Variants in EPHA3 observed in about 807,000 individuals in gnomAD.
EPHA3 encodes ephrin type-A receptor 3.
Under a neutral mutation model 107.1 loss-of-function variants are expected in EPHA3, and 42 were observed. The observed-to-expected ratio is 0.39, with a 90% CI of 0.31 to 0.51. EPHA3 has a LOEUF of 0.51. Ranked by LOEUF, EPHA3 falls within the 20% of genes least tolerant of loss-of-function variation. The probability of loss-of-function intolerance (pLI) is 0.78; values close to 1 mark genes in which losing one functional copy is unlikely to be tolerated. For synonymous variants in EPHA3, 461 were observed against 424.8 expected, an observed-to-expected ratio of 1.09 and a Z score of -1.05; for missense variants, 1,183 against 1,211.2, an observed-to-expected ratio of 0.98 and a Z score of 0.35.
intron 7 of EPHA3, among the ~76,000 whole-genome samples, chr3:89,401,437 A>T (rs1708960295): frequency 6.6e-6 from 1 of 152,170 alleles, no homozygotes; most frequent in Non-Finnish European, 1.5e-5. Context: ...ATGAAGTATG[A>T]TGGAAATAAT....
At chr3:89,234,882 C>T (rs1200957706) in intron 3 of EPHA3, among the ~76,000 whole-genome samples, 1 of 142,966 alleles carries the variant, frequency 7.0e-6, no homozygotes, top group Non-Finnish European at 1.5e-5. Context: ...TTCCTTCCTG[C>T]CTTCCTCCCT....
intron 2 of EPHA3, among the ~76,000 whole-genome samples, chr3:89,169,923 C>A (rs148991632): frequency 6.6e-6 from 1 of 152,086 alleles, no homozygotes; most frequent in Admixed American, 6.6e-5. Context: ...GCCAGATGAA[C>A]GGCTCTGAAA....
At chr3:89,190,205 C>G (rs546896304) in intron 2 of EPHA3, among the ~76,000 whole-genome samples, 64 of 152,088 alleles carry the variant, frequency 4.2e-4, no homozygotes, top group Non-Finnish European at 7.6e-4. Context: ...CTAAGAGAAG[C>G]TGATAAAGAA....
chr3:89,366,188 C>A (rs1312079859), intron 5 of EPHA3, among the ~76,000 whole-genome samples: 1 of 150,418 alleles, frequency 6.6e-6, no homozygotes, highest in Non-Finnish European at 1.5e-5. Context: ...CCAATACATT[C>A]ATCAGTTTAA....
chr3:89,269,978 C>T (rs1705628805), intron 3 of EPHA3, among the ~76,000 whole-genome samples: 1 of 151,822 alleles, frequency 6.6e-6, no homozygotes. Flanking sequence ...ACTGGTCTTT[C>T]AGGGTCTGAG....
chr3:89,457,200 CTTCCAA>C (rs1164063218), intron 15 of EPHA3, among the ~76,000 whole-genome samples: 1 of 152,142 alleles, frequency 6.6e-6, no homozygotes, highest in African/African-American at 2.4e-5. Flanking sequence ...AGGTAGGATA[CTTCCAA>C]ATCACATCGC....
At chr3:89,164,957 A>G (rs748505649) in intron 2 of EPHA3, among the ~76,000 whole-genome samples, 4 of 152,238 alleles carry the variant, frequency 2.6e-5, no homozygotes, top group African/African-American at 7.2e-5. Context: ...AAATCTTTCA[A>G]TGCAGCATTG....
At chr3:89,121,458 A>G (rs1707382693) in intron 1 of EPHA3, among the ~76,000 whole-genome samples, 1 of 151,772 alleles carries the variant, frequency 6.6e-6, no homozygotes, top group African/African-American at 2.4e-5. Context: ...AATACTAATT[A>G]AAGCTATTAA....
At position 89,306,239 on chromosome 3, in the gene EPHA3, G is replaced by A. The variant is rs1415454786; in HGVS notation, c.815-34677G>A. Among the ~76,000 whole-genome samples the A allele has an allele frequency of 4.6e-5, 7 of 152,216 alleles. No homozygotes were observed. In the East Asian group the frequency reaches 5.8e-4, roughly 13 times the overall value. ...AAGAGATTAGGTAATTTTTGAAAAC[G>A]TATATAGCTTGTAAATAATAACACC... On this transcript the variant is annotated intron_variant, in intron 3 of 16. Coordinates refer to ENST00000336596, the MANE Select transcript of EPHA3 (RefSeq NM_005233.6).
At chr3:89,277,326 G>T (rs1054043404) in intron 3 of EPHA3, among the ~76,000 whole-genome samples, 3 of 152,040 alleles carry the variant, frequency 2.0e-5, no homozygotes, top group Non-Finnish European at 2.9e-5. Flanking sequence ...AACAGTATGA[G>T]AAATCCTTTA....
At chr3:89,199,100 T>G (rs1705909363) in intron 2 of EPHA3, among the ~76,000 whole-genome samples, 1 of 152,198 alleles carries the variant, frequency 6.6e-6, no homozygotes, top group African/African-American at 2.4e-5. Flanking sequence ...CTATAAAAAG[T>G]AAAGCCATTT....
intron 5 of EPHA3, among the ~76,000 whole-genome samples, chr3:89,366,165 G>A (rs188299105): frequency 6.7e-6 from 1 of 150,230 alleles, no homozygotes; most frequent in Non-Finnish European, 1.5e-5. Flanking sequence ...ATGCATTTGG[G>A]AAAAAAACAG....
chr3:89,129,362 TG>T (rs1468705740), intron 2 of EPHA3, among the ~76,000 whole-genome samples: 1 of 152,126 alleles, frequency 6.6e-6, no homozygotes, highest in African/African-American at 2.4e-5. Flanking sequence ...CTAAAACAGT[TG>T]GTCATTCTCT....
chr3:89,337,066 G>GAA (rs531242644), intron 3 of EPHA3, among the ~76,000 whole-genome samples: 3 of 98,980 alleles, frequency 3.0e-5, no homozygotes, highest in South Asian at 3.1e-4. Context: ...CTCAAAAAAA[G>GAA]AAAAAAAAAA....
chr3:89,297,275 C>T (rs77267808), intron 3 of EPHA3, among the ~76,000 whole-genome samples: 3 of 152,148 alleles, frequency 2.0e-5, no homozygotes, highest in African/African-American at 7.2e-5. Context: ...CCTCACTGAG[C>T]TTAATCATTC....
chr3:89,211,721 TC>T (rs1704090772), intron 3 of EPHA3, among the ~76,000 whole-genome samples: 3 of 141,040 alleles, frequency 2.1e-5, no homozygotes, highest in Non-Finnish European at 4.6e-5. Flanking sequence ...TTCCTCTTCT[TC>T]TTTTTCTTCT....
At chr3:89,399,296 AT>A (rs754067425) in intron 6 of EPHA3, 21 bp from the exon 7 acceptor site, 105 of 1,570,078 alleles carry the variant, frequency 6.7e-5, no homozygotes, top group East Asian at 1.1e-4. Context: ...TTTAACATGA[AT>A]TTTTTTTTCT....
chr3:89,325,676 T>A (rs1188155732), intron 3 of EPHA3, among the ~76,000 whole-genome samples: 4 of 152,176 alleles, frequency 2.6e-5, no homozygotes, highest in Non-Finnish European at 5.9e-5. Flanking sequence ...CTTTATTTTT[T>A]CCTTTTACAT....
chr3:89,143,316 A>G (rs1704470922), intron 2 of EPHA3, among the ~76,000 whole-genome samples: 1 of 151,482 alleles, frequency 6.6e-6, no homozygotes, highest in African/African-American at 2.4e-5. Flanking sequence ...CCCAATCTGT[A>G]CTACTAAGTG....
Sources: allele counts gnomAD v4.1 joint callset (sites outside exome capture counted in the v4.1 genomes callset), GRCh38; gene constraint gnomAD v4.1.1; transcripts MANE v1.5; gene names NCBI Gene and HGNC (gene_info 2026-07-23, HGNC 2026-07-21).